SPATA6: variants seen among roughly 807,000 people sequenced by gnomAD.
SPATA6 encodes the protein spermatogenesis associated 6, also known as spermatogenesis-associated protein 6.
Under a neutral mutation model 65.3 loss-of-function variants are expected in SPATA6, and 56 were observed. That is an observed-to-expected ratio of 0.86 (90% CI 0.69 to 1.07). SPATA6 has a LOEUF of 1.07. SPATA6 is among the 50% of genes least tolerant of loss of function. SPATA6 has a pLI of 0.00. For synonymous variants in SPATA6, 199 were observed against 213.2 expected (o/e 0.93, Z 0.58); for missense variants, 590 against 594.8 (o/e 0.99, Z 0.08).
chr1:48,359,796 G>A (rs1251286752), intron 9 of SPATA6, 26 bp from the exon 10 acceptor site: 1 of 1,529,132 alleles, frequency 6.5e-7, no homozygotes, highest in South Asian at 1.2e-5. Flanking sequence ...TATACATATA[G>A]ATATACAAAT....
rs1359937897 is a variant in SPATA6 at position 48,399,332 on chromosome 1, T to C, written c.780+19A>G. 6.3e-7 allele frequency: 1 copy of C among 1,591,700 alleles called. No individual in the cohort carries two copies. The highest frequency in any genetic ancestry group is 1.1e-5 in the South Asian group (1 of 87,022). The stretch of plus-strand genomic sequence containing the variant: ...AAAGCTGATCAGTTTCAAATAGAAA[T>C]GCTTAAGAGAACACATACATGTCTA... On this transcript the variant is annotated intron_variant, in intron 7 of 12. Coordinates refer to ENST00000371847, the MANE Select transcript of SPATA6 (RefSeq NM_019073.4).
intron 3 of SPATA6, chr1:48,436,887 T>C (rs201206513): frequency 1.9e-6 from 3 of 1,613,296 alleles, no homozygotes; most frequent in Non-Finnish European, 2.5e-6. Flanking sequence ...CCCGGTCAGG[T>C]GTAGACTCTG....
intron 3 of SPATA6, among the ~76,000 whole-genome samples, chr1:48,448,695 T>G (rs1474390438): frequency 1.1e-4 from 17 of 152,164 alleles, no homozygotes; most frequent in Non-Finnish European, 2.9e-5. Context: ...AACAGAATAC[T>G]ATTCAGCAAT....
At chr1:48,357,375 A>G (rs17429004) in intron 10 of SPATA6, among the ~76,000 whole-genome samples, 14,935 of 152,186 alleles carry the variant, frequency 0.098, 880 homozygotes, top group South Asian at 0.17. Context: ...GGCACAAAGC[A>G]AAAAACACCT....
At chr1:48,307,355 T>C (rs1370567415) in intron 11 of SPATA6, among the ~76,000 whole-genome samples, 1 of 147,892 alleles carries the variant, frequency 6.8e-6, no homozygotes, top group Non-Finnish European at 1.5e-5. Context: ...TTTATATATA[T>C]ATAATTATAT....
intron 7 of SPATA6, among the ~76,000 whole-genome samples, chr1:48,397,338 T>C (rs566444939): frequency 1.3e-5 from 2 of 151,816 alleles, no homozygotes; most frequent in African/African-American, 4.8e-5. Flanking sequence ...AAATTCGAAA[T>C]GGTAAACTTA....
intron 8 of SPATA6, among the ~76,000 whole-genome samples, chr1:48,386,237 A>C (rs1649448984): frequency 6.6e-6 from 1 of 152,246 alleles, no homozygotes; most frequent in South Asian, 2.1e-4. Context: ...AGTGGATTTT[A>C]AAACTAATTC....
intron 11 of SPATA6, among the ~76,000 whole-genome samples, chr1:48,317,993 T>C (rs1310645286): frequency 1.3e-5 from 2 of 152,134 alleles, no homozygotes; most frequent in Non-Finnish European, 2.9e-5. Context: ...GAATGCAAGG[T>C]TGACTCATAT....
chr1:48,435,305 C>T (rs1484473394), intron 3 of SPATA6, among the ~76,000 whole-genome samples: 5 of 152,230 alleles, frequency 3.3e-5, no homozygotes, highest in African/African-American at 7.2e-5. Flanking sequence ...TCTGTAAAAA[C>T]GCACCAATCA....
chr1:48,400,097 A>G, intron 6 of SPATA6, among the ~76,000 whole-genome samples: 1 of 151,932 alleles, frequency 6.6e-6, no homozygotes, highest in Non-Finnish European at 1.5e-5. Flanking sequence ...AACTATAAAA[A>G]TAAGTTTCAT....
the SPATA6 span, among the ~76,000 whole-genome samples, chr1:48,289,524 C>T: frequency 9.2e-5 from 14 of 152,180 alleles, no homozygotes; most frequent in Non-Finnish European, 2.1e-4. Flanking sequence ...GAGAAGGCTT[C>T]AGAGGATCAG....
chr1:48,359,827 C>A, intron 9 of SPATA6, 57 bp from the exon 10 acceptor site: 1 of 1,335,898 alleles, frequency 7.5e-7, no homozygotes, highest in Non-Finnish European at 1.0e-6. Context: ...ATGTATATAA[C>A]ATATTATATA....
In SPATA6 at chr1:48,359,706, C is replaced by T; in HGVS notation, c.974G>A (p.Ser325Asn). The T allele has an allele frequency of 1.2e-6, 2 of 1,613,632 alleles. No individual in the cohort carries two copies. Among genetic ancestry groups the T allele is most frequent in the Non-Finnish European group, 1.7e-6 (2 of 1,179,782 alleles). The change falls in exon 10 of 13, where the codon AGC becomes AAC. Residue 325 changes from serine to asparagine, a missense_variant. Coordinates refer to ENST00000371847, the MANE Select transcript of SPATA6 (RefSeq NM_019073.4). Reference sequence around the variant, plus strand: ...CCGGGGCTTACTACACGACCTTGGGCTCAAATACTCTTCACATTTTTCTAA... The same window carrying T: ...CCGGGGCTTACTACACGACCTTGGGTTCAAATACTCTTCACATTTTTCTAA... ...DSLEKCEEYL[S>N]PRSCSKPRHS...
At chr1:48,286,121 T>C in the SPATA6 span, among the ~76,000 whole-genome samples, 1 of 152,146 alleles carries the variant, frequency 6.6e-6, no homozygotes, top group Non-Finnish European at 1.5e-5. Flanking sequence ...TCCAGCTTCC[T>C]TTTTCTTGCT....
chr1:48,283,691 A>AC, the SPATA6 span, among the ~76,000 whole-genome samples: 77 of 140,426 alleles, frequency 5.5e-4, 1 homozygote, highest in African/African-American at 2.1e-3. Context: ...AAAAAAAAAA[A>AC]AAAAAAAAAG....
chr1:48,288,124 C>A, the SPATA6 span, among the ~76,000 whole-genome samples: 1 of 152,104 alleles, frequency 6.6e-6, no homozygotes, highest in Admixed American at 6.6e-5. Context: ...GTATGCTGAA[C>A]CATCCTTGCA....
chr1:48,435,917 T>C, intron 3 of SPATA6: 1 of 1,549,210 alleles, frequency 6.5e-7, no homozygotes, highest in South Asian at 1.1e-5. Flanking sequence ...AAAAGCCTTC[T>C]TTGGAATAGA....
At chr1:48,267,995 C>T in the SPATA6 span, among the ~76,000 whole-genome samples, 1 of 152,018 alleles carries the variant, frequency 6.6e-6, no homozygotes, top group Admixed American at 6.6e-5. Context: ...TCGTGATCCA[C>T]CTGTCTCGGC....
intron 6 of SPATA6, among the ~76,000 whole-genome samples, chr1:48,400,585 T>C (rs1246876883): frequency 6.6e-6 from 1 of 152,046 alleles, no homozygotes; most frequent in Admixed American, 6.6e-5. Context: ...CCACCAATCC[T>C]ACCTCCAGCT....
Sources: allele counts gnomAD v4.1 joint callset (sites outside exome capture counted in the v4.1 genomes callset), GRCh38; gene constraint gnomAD v4.1.1; transcripts MANE v1.5; gene names NCBI Gene and HGNC (gene_info 2026-07-23, HGNC 2026-07-21).